The following KRR1 variants were observed in gnomAD, a reference collection of about 807,000 sequenced individuals.
KRR1 encodes KRR1 small subunit processome component homolog.
In KRR1, 23 loss-of-function variants were observed where a neutral mutation model predicts 50.0. That is an observed-to-expected ratio of 0.46 (90% confidence interval 0.33 to 0.65). The LOEUF (loss-of-function observed/expected upper bound fraction) is 0.65. Among genes scored for constraint, KRR1 ranks in the 30% least tolerant of loss-of-function variants. The pLI is 0.02. For synonymous variants in KRR1, 133 were observed against 146.3 expected (o/e 0.91, Z 0.66); for missense variants, 419 against 442.4 (o/e 0.95, Z 0.47).
chr12:75,498,649 G>C lies in KRR1; in HGVS notation c.*1160C>G, dbSNP rs771733392. The C allele has an allele frequency of 3.0e-5, 45 of 1,518,466 alleles. No homozygotes were observed. In the Admixed American group the frequency reaches 7.5e-4, roughly 25 times the overall value. 94.1% of individuals were successfully genotyped at this position (1,518,466 alleles called of 1,614,324 possible). A position where few individuals can be genotyped will look rare whatever the true frequency, so the allele number is the denominator to read the frequency against. On this transcript the variant is annotated 3_prime_UTR_variant, in exon 10 of 10. Transcript: ENST00000229214. ...TTTTTAAAATAAAACTCTCAACTGTGTCTACCCTTTTAATTTTTTTTCTTT... is the reference window on the plus strand; with the variant it reads ...TTTTTAAAATAAAACTCTCAACTGTCTCTACCCTTTTAATTTTTTTTCTTT...
rs2046432423 is a variant in KRR1 at position 75,508,426 on chromosome 12, C to T, written c.106G>A (p.Val36Ile). Residue 36 changes from valine to isoleucine, a missense_variant, in exon 2 of 10, where the codon GTT (valine) becomes ATT (isoleucine). Physicochemically the swap from Val to Ile is conservative, Grantham distance 29. Coordinates refer to ENST00000229214, the MANE Select transcript of KRR1 (RefSeq NM_007043.7). ...ENQDESELLT[V>I]PDGWKEPAFS... ...GCTGGTTCCTTCCAACCATCAGGAA[C>T]CGTAAGGAGTTCTGATTCATCTACA... The T allele has an allele frequency of 1.2e-6, 2 of 1,605,758 alleles. No individual in the cohort carries two copies. Among genetic ancestry groups the T allele is most frequent in the East Asian group, 2.2e-5 (1 of 44,748 alleles).
chr12:75,501,451 C>G (rs2046393161), intron 9 of KRR1: 1 of 317,600 alleles, frequency 3.1e-6, no homozygotes, highest in African/African-American at 2.2e-5. Context: ...ACTGGCTGCC[C>G]TGGGTTTGTA....
chr12:75,511,353 G>A (rs1228607993), intron 1 of KRR1, among the ~76,000 whole-genome samples, 160 bp downstream of exon 1: 1 of 152,184 alleles, frequency 6.6e-6, no homozygotes, highest in East Asian at 1.9e-4. Context: ...TCGGCCAGCC[G>A]TTCCTGTGGG....
At position 75,503,907 on chromosome 12, in the gene KRR1, A is replaced by T; in HGVS notation, c.828T>A (p.Ser276Arg). Residue 276 changes from serine (S) to arginine (R), a missense_variant, in exon 7 of 10, where the codon AGT (serine) becomes AGA (arginine). Transcript: ENST00000229214. ...AAGTTCTACATTTAGTACTAACCTG[A>T]CTTTCTGGTTGTGGTGGTGGGAATG... is the stretch of plus-strand genomic sequence containing the variant. ...YTPFPPPQPE[S>R]QIDKELASGE... The T allele has an allele frequency of 6.2e-7, 1 of 1,605,946 alleles. No individual in the cohort carries two copies. The highest frequency in any genetic ancestry group is 8.5e-7 in the Non-Finnish European group (1 of 1,175,866).
intron 1 of KRR1, among the ~76,000 whole-genome samples, chr12:75,509,135 C>T (rs924256185): frequency 1.3e-5 from 2 of 152,172 alleles, no homozygotes; most frequent in South Asian, 4.2e-4. Context: ...TCCTAAGGGC[C>T]GTAAATTATC....
chr12:75,495,997 G>GT lies in KRR1; in HGVS notation c.*3811dup, dbSNP rs370713345. On this transcript the variant is annotated 3_prime_UTR_variant, in exon 10 of 10. Transcript: ENST00000229214. ...TCCAAACAAACAGAATTCTGTTTTC[G>GT]TTTTTTTTTTTGTTTTTTTTTTTTG... 51,228 of 131,964 alleles carry GT rather than the reference G, an allele frequency of 0.39. 10,100 individuals carry two copies. The highest frequency in any genetic ancestry group is 0.45 in the Non-Finnish European group (28,998 of 64,252). 8.2% of individuals were successfully genotyped at this position (131,964 alleles called of 1,614,324 possible).
intron 9 of KRR1, 47 bp downstream of exon 9, chr12:75,501,676 T>G: frequency 8.1e-7 from 1 of 1,237,928 alleles, no homozygotes. Context: ...TATTATGGGT[T>G]TACTTTTCCT....
intron 1 of KRR1, among the ~76,000 whole-genome samples, chr12:75,510,567 G>A (rs988261488): frequency 2.0e-5 from 3 of 152,084 alleles, no homozygotes; most frequent in Admixed American, 6.5e-5. Context: ...TAAAAAACAG[G>A]CTAAATTAAG....
At chr12:75,506,955 T>C (rs1490956775) in intron 2 of KRR1, 39 bp from the exon 3 acceptor site, 23 of 1,544,046 alleles carry the variant, frequency 1.5e-5, no homozygotes, top group Non-Finnish European at 1.9e-5. Flanking sequence ...TGTCTAAAAA[T>C]GAGTTTTTTT....
At chr12:75,510,735 T>A (rs1005195089) in intron 1 of KRR1, among the ~76,000 whole-genome samples, 1 of 152,202 alleles carries the variant, frequency 6.6e-6, no homozygotes, top group Admixed American at 6.5e-5. Context: ...GTTTCCCGCA[T>A]GGTTTTATTA....
chr12:75,495,968 G>C lies in KRR1; in HGVS notation c.*3841C>G, dbSNP rs1472819798. On this transcript the variant is annotated 3_prime_UTR_variant, in exon 10 of 10. Coordinates refer to ENST00000229214, the MANE Select transcript of KRR1 (RefSeq NM_007043.7). ...GCAAGATCAAAAATAAGTATAACAG[G>C]TCATCCAAACAAACAGAATTCTGTT... is the stretch of plus-strand genomic sequence containing the variant. The C allele has an allele frequency of 1.1e-5, 2 of 190,282 alleles. No individual in the cohort carries two copies. The highest frequency in any genetic ancestry group is 2.1e-5 in the Non-Finnish European group (2 of 94,216). The allele number at this position is 190,282 out of a possible 1,614,324, so 11.8% of individuals were successfully genotyped here.
At position 75,498,431 on chromosome 12, in the gene KRR1, T is replaced by C. The variant is rs180943122; in HGVS notation, c.*1378A>G. ...AAATTTTATTACCTGCTAGGTATGA[T>C]GTGTAAAATGATTTTCCATTTATAG... On this transcript the variant is annotated 3_prime_UTR_variant, in exon 10 of 10. Coordinates refer to ENST00000229214, the MANE Select transcript of KRR1 (RefSeq NM_007043.7). The C allele has an allele frequency of 1.8e-5, 6 of 335,126 alleles. No homozygotes were observed. The highest frequency in any genetic ancestry group is 1.3e-4 in the African/African-American group (6 of 46,954). The allele number at this position is 335,126 out of a possible 1,614,324, so 20.8% of individuals were successfully genotyped here.
In KRR1 at chr12:75,499,058, A is replaced by ACTT. The variant is rs2046371656; in HGVS notation, c.*748_*750dup. The ACTT allele has an allele frequency of 6.9e-6, 6 of 867,252 alleles. No individual in the cohort carries two copies. The highest frequency in any genetic ancestry group is 2.8e-5 in the Admixed American group (1 of 35,278). 53.7% of individuals were successfully genotyped at this position (867,252 alleles called of 1,614,324 possible). On this transcript the variant is annotated 3_prime_UTR_variant, in exon 10 of 10. Transcript: ENST00000229214. ...TTTTTAACCAATAACAATTAGGTGT[A>ACTT]CTTCTATTTTAAAACATTTCAGAAA...
At position 75,506,535 on chromosome 12, in the gene KRR1, T is replaced by C; in HGVS notation, c.468A>G (p.Arg156=). 1 of 1,611,152 alleles carries C rather than the reference T, an allele frequency of 6.2e-7. No individual in the cohort carries two copies. The highest frequency in any genetic ancestry group is 1.7e-4 in the Middle Eastern group (1 of 6,036). ...KIGSLVRNKE[R]FVKRRQRLIG... Reference sequence around the variant, plus strand: ...TAAGCCGTTGTCTTCGTTTTACAAATCTCTCTTTATTCCTTACTAAAGAAC... The same window carrying C: ...TAAGCCGTTGTCTTCGTTTTACAAACCTCTCTTTATTCCTTACTAAAGAAC... The change falls in exon 4 of 10, where the codon AGA becomes AGG. Residue 156 remains arginine (R), a synonymous_variant. Coordinates refer to ENST00000229214, the MANE Select transcript of KRR1 (RefSeq NM_007043.7).
rs1178111498 is a variant in KRR1, at chr12:75,497,706, AATTCCTTCGTGGT to A, written c.*2090_*2102del. On this transcript the variant is annotated 3_prime_UTR_variant, in exon 10 of 10. Transcript: ENST00000229214. ...AAATTATGGCAAGCACTGGAGCATA[AATTCCTTCGTGGT>A]ATTCCTTCGTGGTCTCCTAGATACT... is the stretch of plus-strand genomic sequence containing the variant. 6 of 152,100 alleles carry A rather than the reference AATTCCTTCGTGGT, an allele frequency of 3.9e-5. No individual in the cohort carries two copies. The highest frequency in any genetic ancestry group is 1.9e-4 in the East Asian group (1 of 5,184). 9.4% of individuals were successfully genotyped at this position (152,100 alleles called of 1,614,324 possible). A position where few individuals can be genotyped will look rare whatever the true frequency, so the allele number is the denominator to read the frequency against.
Position 75,501,833 on chromosome 12 carries a change from A to C in KRR1, c.910-17T>G. ...TTGTTTAGCCTACATTAATAAATAA[A>C]AAATATATCAGTTAAATGTATTTAT... On this transcript the variant is annotated splice_polypyrimidine_tract_variant and intron_variant, in intron 8 of 9. Coordinates refer to ENST00000229214, the MANE Select transcript of KRR1 (RefSeq NM_007043.7). The C allele has an allele frequency of 6.3e-7, 1 of 1,578,166 alleles. No individual in the cohort carries two copies. Among genetic ancestry groups the C allele is most frequent in the South Asian group, 1.1e-5 (1 of 88,328 alleles).
At position 75,499,136 on chromosome 12, in the gene KRR1, T is replaced by TATCA. The variant is rs375790334; in HGVS notation, c.*669_*672dup. ...CTCAAAAGAAGAAATTTCCTAACTC[T>TATCA]ATCAGATAAACTCATCTTTAGTATA... On this transcript the variant is annotated 3_prime_UTR_variant, in exon 10 of 10. Transcript: ENST00000229214. The TATCA allele has an allele frequency of 1.3e-4, 62 of 480,266 alleles. No homozygotes were observed. The highest frequency in any genetic ancestry group is 7.7e-4 in the African/African-American group (38 of 49,420). 29.8% of individuals were successfully genotyped at this position (480,266 alleles called of 1,614,324 possible). A position where few individuals can be genotyped will look rare whatever the true frequency, so the allele number is the denominator to read the frequency against.
In KRR1 at chr12:75,499,111, C is replaced by T. The variant is rs1364165165; in HGVS notation, c.*698G>A. On this transcript the variant is annotated 3_prime_UTR_variant, in exon 10 of 10. Transcript: ENST00000229214. ...AATATATGTTATAGCAATACTCTTA[C>T]TCAAAAGAAGAAATTTCCTAACTCT... 2 of 512,490 alleles carry T rather than the reference C, an allele frequency of 3.9e-6. No homozygotes were observed. Among genetic ancestry groups the T allele is most frequent in the African/African-American group, 2.0e-5 (1 of 49,940 alleles). The allele number at this position is 512,490 out of a possible 1,614,324, so 31.7% of individuals were successfully genotyped here. A position where few individuals can be genotyped will look rare whatever the true frequency, so the allele number is the denominator to read the frequency against.
At chr12:75,500,115 G>A (rs776306396) in intron 9 of KRR1, 164 bp from the exon 10 acceptor site, 81 of 486,270 alleles carry the variant, frequency 1.7e-4, no homozygotes, top group Non-Finnish European at 2.2e-4. Flanking sequence ...AAAAACACTT[G>A]CCTAAAGCAG....
Sources: allele counts gnomAD v4.1 joint callset (sites outside exome capture counted in the v4.1 genomes callset), GRCh38; gene constraint gnomAD v4.1.1; transcripts MANE v1.5; gene names NCBI Gene and HGNC (gene_info 2026-07-23, HGNC 2026-07-21).